ADGRL3: variants seen among roughly 807,000 people sequenced by gnomAD.
The protein encoded by ADGRL3 is adhesion G protein-coupled receptor L3.
In ADGRL3, 62 loss-of-function variants were observed where a neutral mutation model predicts 153.5. That is an observed-to-expected ratio of 0.40 (90% confidence interval 0.33 to 0.50). ADGRL3 has a LOEUF of 0.50. Ranked by LOEUF, ADGRL3 falls within the 20% of genes least tolerant of loss-of-function variation. The probability of loss-of-function intolerance (pLI) is 0.47; values close to 1 mark genes in which losing one functional copy is unlikely to be tolerated. For missense variants in ADGRL3, 1,641 were observed against 1,859.4 expected, an observed-to-expected ratio of 0.88 and a Z score of 2.16; for synonymous variants, 710 against 672.5, an observed-to-expected ratio of 1.06 and a Z score of -0.86.
At position 61,213,017 on chromosome 4, in the gene ADGRL3, C is replaced by T. The variant is rs559222354; in HGVS notation, c.-240+11252C>T. Among the ~76,000 whole-genome samples the T allele has an allele frequency of 3.3e-5, 5 of 152,104 alleles. No homozygotes were observed. In the East Asian group the frequency reaches 7.7e-4, roughly 24 times the overall value. On this transcript the variant is annotated intron_variant, in intron 1 of 26. Transcript: ENST00000683033. ...CTGAACAGACATTTATTCAATGAGA[C>T]CTTTCTTGAATAATAGATGATAGTG...
At chr4:61,924,252 C>A (rs771740357) in intron 13 of ADGRL3, among the ~76,000 whole-genome samples, 3 of 152,132 alleles carry the variant, frequency 2.0e-5, no homozygotes, top group African/African-American at 7.2e-5. Flanking sequence ...TTTCTCCTAC[C>A]TAATTGACAC....
At chr4:61,262,536 C>T (rs1042008129) in intron 1 of ADGRL3, among the ~76,000 whole-genome samples, 1 of 152,120 alleles carries the variant, frequency 6.6e-6, no homozygotes, top group South Asian at 2.1e-4. Context: ...ATTCTCGTAT[C>T]TTTTACTCAC....
At chr4:61,565,739 T>C (rs1332637028) in intron 4 of ADGRL3, among the ~76,000 whole-genome samples, 1 of 151,892 alleles carries the variant, frequency 6.6e-6, no homozygotes, top group East Asian at 1.9e-4. Context: ...GATTTCGCCA[T>C]GTTGGCCAGG....
At chr4:61,326,617 G>A (rs944430320) in intron 1 of ADGRL3, among the ~76,000 whole-genome samples, 10 of 151,492 alleles carry the variant, frequency 6.6e-5, no homozygotes, top group Non-Finnish European at 1.3e-4. Context: ...GTGTGTGTGT[G>A]TGTGTGTGTG....
chr4:61,602,299 A>T (rs900305088), intron 5 of ADGRL3, among the ~76,000 whole-genome samples: 1 of 152,110 alleles, frequency 6.6e-6, no homozygotes, highest in African/African-American at 2.4e-5. Flanking sequence ...GATCAGCTTG[A>T]CATCATATCC....
At chr4:61,499,552 G>C (rs561949354) in intron 3 of ADGRL3, among the ~76,000 whole-genome samples, 1 of 151,998 alleles carries the variant, frequency 6.6e-6, no homozygotes, top group African/African-American at 2.4e-5. Flanking sequence ...AAAATAAATA[G>C]CATATGTAAA....
chr4:61,904,916 C>T (rs948999867), intron 11 of ADGRL3, among the ~76,000 whole-genome samples: 1 of 152,066 alleles, frequency 6.6e-6, no homozygotes, highest in Admixed American at 6.6e-5. Context: ...CTCAGAGGTC[C>T]ATCAAACTCT....
At chr4:61,828,676 G>A (rs1029517697) in intron 9 of ADGRL3, among the ~76,000 whole-genome samples, 1 of 152,112 alleles carries the variant, frequency 6.6e-6, no homozygotes, top group African/African-American at 2.4e-5. Flanking sequence ...TGTCTTAATG[G>A]AGTACTTCAT....
intron 6 of ADGRL3, among the ~76,000 whole-genome samples, chr4:61,690,955 G>A (rs1459460633): frequency 6.6e-6 from 1 of 152,038 alleles, no homozygotes; most frequent in Non-Finnish European, 1.5e-5. Context: ...ACTTTATTAG[G>A]CACTCACTAA....
intron 21 of ADGRL3, among the ~76,000 whole-genome samples, chr4:61,999,079 T>G (rs978049814): frequency 2.6e-5 from 4 of 152,196 alleles, no homozygotes; most frequent in African/African-American, 9.7e-5. Context: ...CTGAGAGAGA[T>G]AAAGAAACCT....
chr4:61,647,266 C>G lies in ADGRL3; in HGVS notation c.474-29560C>G, dbSNP rs553562400. ...CGTGGCTCACGCTGGGAGCTGTAGA[C>G]CAGAGCTTTTCCTATTCGGCCATCT... is the stretch of plus-strand genomic sequence containing the variant. On this transcript the variant is annotated intron_variant, in intron 5 of 26. Transcript: ENST00000683033. Among the ~76,000 whole-genome samples the G allele has an allele frequency of 7.9e-5, 12 of 152,236 alleles. No homozygotes were observed. The South Asian group carries it at 1.5e-3, about 18-fold the overall frequency.
At chr4:61,272,121 G>GC (rs1393899918) in intron 1 of ADGRL3, among the ~76,000 whole-genome samples, 3 of 145,168 alleles carry the variant, frequency 2.1e-5, no homozygotes, top group Non-Finnish European at 1.5e-5. Context: ...ATTTCTCTAA[G>GC]TTGTAGTTTC....
intron 6 of ADGRL3, among the ~76,000 whole-genome samples, chr4:61,726,384 A>G (rs894940390): frequency 4.0e-5 from 6 of 151,564 alleles, no homozygotes; most frequent in Admixed American, 1.3e-4. Flanking sequence ...TTTTTAGTAG[A>G]GATAGGGTTT....
chr4:61,454,193 A>G (rs1023667734), intron 2 of ADGRL3, among the ~76,000 whole-genome samples: 9 of 152,130 alleles, frequency 5.9e-5, no homozygotes. Flanking sequence ...CAACACTAAC[A>G]TAAGGTTTTA....
chr4:62,054,916 A>G (rs1212538862), intron 25 of ADGRL3, among the ~76,000 whole-genome samples: 1 of 151,454 alleles, frequency 6.6e-6, no homozygotes, highest in African/African-American at 2.4e-5. Flanking sequence ...TAACAGTGAT[A>G]TGAAATACCA....
intron 6 of ADGRL3, among the ~76,000 whole-genome samples, chr4:61,708,484 GTT>G (rs10706547): frequency 2.7e-5 from 4 of 150,154 alleles, no homozygotes; most frequent in African/African-American, 9.8e-5. Flanking sequence ...TACAGTCTTT[GTT>G]TTTTTTTTAT....
At chr4:61,891,788 A>G (rs2098588471) in intron 9 of ADGRL3, among the ~76,000 whole-genome samples, 1 of 152,188 alleles carries the variant, frequency 6.6e-6, no homozygotes, top group Non-Finnish European at 1.5e-5. Flanking sequence ...CAGTCTGTGT[A>G]CAGGAAGGAC....
chr4:61,239,300 A>T (rs1268156111), intron 1 of ADGRL3, among the ~76,000 whole-genome samples: 1 of 152,114 alleles, frequency 6.6e-6, no homozygotes, highest in Non-Finnish European at 1.5e-5. Flanking sequence ...TTTTATAGAG[A>T]TGCTAAATAT....
At chr4:61,744,293 C>T (rs1479086061) in intron 8 of ADGRL3, among the ~76,000 whole-genome samples, 1 of 152,142 alleles carries the variant, frequency 6.6e-6, no homozygotes, top group Non-Finnish European at 1.5e-5. Context: ...AGGACACAGA[C>T]AAACAAAAAG....
Sources: gnomAD v4.1 joint callset for allele counts (sites outside exome capture counted in the v4.1 genomes callset) on GRCh38, gnomAD v4.1.1 for gene constraint, MANE v1.5 for transcripts, NCBI Gene and HGNC (gene_info 2026-07-23, HGNC 2026-07-21) for gene names.